Variants in EXOC6B observed in about 807,000 individuals in gnomAD.
The protein encoded by EXOC6B is SEC15 homolog B.
In EXOC6B, 54 loss-of-function variants were observed where a neutral mutation model predicts 113.5. The observed-to-expected ratio is 0.48, with a 90% confidence interval of 0.38 to 0.60. The LOEUF (loss-of-function observed/expected upper bound fraction) is 0.60. Ranked by LOEUF, EXOC6B falls within the 20% of genes least tolerant of loss-of-function variation. The pLI is 0.00. For synonymous variants in EXOC6B, 357 were observed against 339.0 expected, an observed-to-expected ratio of 1.05 and a Z score of -0.58; for missense variants, 797 against 977.5, an observed-to-expected ratio of 0.82 and a Z score of 2.46.
intron 1 of EXOC6B, among the ~76,000 whole-genome samples, chr2:72,750,478 T>C (rs897686929): frequency 6.6e-5 from 10 of 152,112 alleles, no homozygotes; most frequent in African/African-American, 2.2e-4. Flanking sequence ...ACATGGCCTA[T>C]TGCCCACACA....
intron 20 of EXOC6B, among the ~76,000 whole-genome samples, chr2:72,281,332 G>C (rs962967145): frequency 1.3e-5 from 2 of 152,082 alleles, no homozygotes; most frequent in African/African-American, 4.8e-5. Context: ...TCAGTAAAAA[G>C]TTATCAGACT....
intron 5 of EXOC6B, among the ~76,000 whole-genome samples, chr2:72,723,542 A>C (rs1489279805): frequency 6.6e-6 from 1 of 152,198 alleles, no homozygotes; most frequent in Non-Finnish European, 1.5e-5. Context: ...GCAACTATCT[A>C]TAAGAAATTT....
At chr2:72,528,461 TTA>T (rs376657327) in intron 8 of EXOC6B, among the ~76,000 whole-genome samples, 10 of 152,248 alleles carry the variant, frequency 6.6e-5, no homozygotes, top group African/African-American at 2.4e-4. Context: ...AGTCTTGAAA[TTA>T]TATGAGTTAA....
At chr2:72,531,372 TA>T (rs1194245338) in intron 8 of EXOC6B, among the ~76,000 whole-genome samples, 1 of 152,208 alleles carries the variant, frequency 6.6e-6, no homozygotes, top group East Asian at 1.9e-4. Flanking sequence ...CTCCTCCATT[TA>T]TAATACAATT....
chr2:72,657,836 T>A (rs1027063925), intron 6 of EXOC6B, among the ~76,000 whole-genome samples: 22 of 151,660 alleles, frequency 1.5e-4, no homozygotes, highest in African/African-American at 5.3e-4. Context: ...CTTTTTTTAA[T>A]GTTCACAATA....
At chr2:72,402,141 T>A (rs1176527809) in intron 18 of EXOC6B, among the ~76,000 whole-genome samples, 3 of 152,104 alleles carry the variant, frequency 2.0e-5, no homozygotes, top group Admixed American at 2.0e-4. Flanking sequence ...GACTTTTCTT[T>A]ACCAGGAGGC....
intron 16 of EXOC6B, among the ~76,000 whole-genome samples, chr2:72,484,094 G>A (rs371337570): frequency 8.6e-5 from 13 of 150,858 alleles, no homozygotes; most frequent in East Asian, 7.8e-4. Flanking sequence ...TCCTTGTATC[G>A]GAGAAAATCT....
intron 1 of EXOC6B, among the ~76,000 whole-genome samples, chr2:72,758,690 C>G (rs1331119749): frequency 6.6e-6 from 1 of 152,162 alleles, no homozygotes; most frequent in Non-Finnish European, 1.5e-5. Context: ...ACAGACATAA[C>G]AAATTTTCCA....
At chr2:72,201,688 G>A (rs746932823) in intron 20 of EXOC6B, among the ~76,000 whole-genome samples, 8 of 152,190 alleles carry the variant, frequency 5.3e-5, no homozygotes, top group Non-Finnish European at 1.2e-4. Flanking sequence ...TGTAATGTTA[G>A]GGAGTTACAT....
intron 6 of EXOC6B, among the ~76,000 whole-genome samples, chr2:72,685,168 C>A (rs1676989314): frequency 6.6e-6 from 1 of 151,894 alleles, no homozygotes; most frequent in South Asian, 2.1e-4. Context: ...TTGATAGAAT[C>A]TAGGTGGTAA....
intron 20 of EXOC6B, among the ~76,000 whole-genome samples, chr2:72,198,957 G>C (rs922565212): frequency 2.0e-5 from 3 of 152,154 alleles, no homozygotes; most frequent in African/African-American, 7.2e-5. Context: ...ATCATTGCCT[G>C]GCTTTCCTAG....
At chr2:72,340,935 T>C (rs898568616) in intron 19 of EXOC6B, among the ~76,000 whole-genome samples, 28 of 152,138 alleles carry the variant, frequency 1.8e-4, no homozygotes, top group Admixed American at 1.6e-3. Flanking sequence ...CAGATCCTAC[T>C]GGTCAGAGAA....
chr2:72,266,851 T>A (rs1308468631), intron 20 of EXOC6B, among the ~76,000 whole-genome samples: 1 of 152,224 alleles, frequency 6.6e-6, no homozygotes, highest in East Asian at 1.9e-4. Flanking sequence ...TTGGGCAGTA[T>A]GGCCATTTTC....
At chr2:72,753,130 G>A (rs904286212) in intron 1 of EXOC6B, among the ~76,000 whole-genome samples, 4 of 151,992 alleles carry the variant, frequency 2.6e-5, no homozygotes, top group Non-Finnish European at 5.9e-5. Flanking sequence ...ACTCGGCTGG[G>A]CATGGTGGCA....
At chr2:72,537,453 C>CA (rs74620661) in intron 8 of EXOC6B, among the ~76,000 whole-genome samples, 6,082 of 74,108 alleles carry the variant, frequency 0.082, 257 homozygotes, top group African/African-American at 0.16. Context: ...ACAAAAAATA[C>CA]AAAAAAAAAA....
intron 13 of EXOC6B, among the ~76,000 whole-genome samples, chr2:72,497,515 G>C (rs1211259931): frequency 2.0e-5 from 3 of 152,076 alleles, no homozygotes; most frequent in Admixed American, 6.6e-5. Context: ...GAGCATCTAA[G>C]ACTATGGATA....
chr2:72,476,228 T>C (rs79583152), intron 17 of EXOC6B, among the ~76,000 whole-genome samples: 4,412 of 152,334 alleles, frequency 0.029, 214 homozygotes, highest in African/African-American at 0.1. Flanking sequence ...TGAAAGTTTC[T>C]ACTAACCCTT....
intron 6 of EXOC6B, among the ~76,000 whole-genome samples, chr2:72,586,340 A>G (rs1438496346): frequency 6.6e-6 from 1 of 152,218 alleles, no homozygotes; most frequent in Admixed American, 6.5e-5. Context: ...AAATATTTGC[A>G]AACTATGCAT....
At chr2:72,753,354 A>G (rs985624080) in intron 1 of EXOC6B, among the ~76,000 whole-genome samples, 1 of 152,028 alleles carries the variant, frequency 6.6e-6, no homozygotes, top group Admixed American at 6.6e-5. Context: ...CCTAAACTAG[A>G]AATATGTACA....
Sources: gnomAD v4.1 joint callset for allele counts (sites outside exome capture counted in the v4.1 genomes callset) on GRCh38, gnomAD v4.1.1 for gene constraint, MANE v1.5 for transcripts, NCBI Gene and HGNC (gene_info 2026-07-23, HGNC 2026-07-21) for gene names.